SLC38A6: variants seen among roughly 807,000 people sequenced by gnomAD.
SLC38A6 encodes solute carrier family 38 member 6, also known as N system amino acid transporter NAT-1.
Under a neutral mutation model 65.0 loss-of-function variants are expected in SLC38A6, and 73 were observed. That is an observed-to-expected ratio of 1.12 (90% CI 0.93 to 1.37). The LOEUF (loss-of-function observed/expected upper bound fraction) is 1.37, where lower values mean the gene tolerates loss of function less well. SLC38A6 is among the 40% of genes most tolerant of loss of function. The pLI, the probability that SLC38A6 is intolerant of heterozygous loss-of-function variation, is 0.00. For missense variants in SLC38A6, 561 were observed against 531.1 expected, an observed-to-expected ratio of 1.06 and a Z score of -0.55; for synonymous variants, 183 against 178.8, an observed-to-expected ratio of 1.02 and a Z score of -0.19.
At chr14:60,994,391 C>T (rs1344084286) in intron 3 of SLC38A6, among the ~76,000 whole-genome samples, 1 of 151,766 alleles carries the variant, frequency 6.6e-6, no homozygotes, top group East Asian at 2.0e-4. Context: ...ACTAAAAATA[C>T]AAAATTACCT....
intron 5 of SLC38A6, among the ~76,000 whole-genome samples, chr14:61,029,087 A>C (rs2139649093): frequency 6.6e-6 from 1 of 152,032 alleles, no homozygotes; most frequent in South Asian, 2.1e-4. Context: ...TGTAAGGAGA[A>C]AGTGAAATGT....
intron 3 of SLC38A6, chr14:61,004,539 T>A (rs1298494701): frequency 6.6e-6 from 1 of 152,074 alleles, no homozygotes; most frequent in Non-Finnish European, 1.5e-5. Context: ...CAAACTACCA[T>A]CAGAGAATAC....
At chr14:61,024,229 TG>T (rs1331420190) in intron 5 of SLC38A6, among the ~76,000 whole-genome samples, 1 of 152,126 alleles carries the variant, frequency 6.6e-6, no homozygotes, top group Non-Finnish European at 1.5e-5. Flanking sequence ...AATTTTATAA[TG>T]GAAAAAAATG....
intron 16 of SLC38A6, chr14:61,083,445 G>C (rs1367075720): frequency 2.8e-6 from 4 of 1,448,410 alleles, no homozygotes; most frequent in Non-Finnish European, 3.6e-6. Flanking sequence ...CCAATCCCCA[G>C]GACCTCAGAA....
intron 3 of SLC38A6, among the ~76,000 whole-genome samples, chr14:61,008,257 T>G (rs938301742): frequency 6.6e-6 from 1 of 152,004 alleles, no homozygotes; most frequent in African/African-American, 2.4e-5. Context: ...AAAATTTTTG[T>G]TCTTAATTAG....
chr14:61,010,224 C>T (rs545238031), intron 3 of SLC38A6, among the ~76,000 whole-genome samples: 3 of 151,692 alleles, frequency 2.0e-5, no homozygotes, highest in South Asian at 4.2e-4. Context: ...CTTGTTGATG[C>T]GGTTGTTTTT....
intron 3 of SLC38A6, among the ~76,000 whole-genome samples, chr14:61,005,980 A>T (rs2039081421): frequency 6.6e-6 from 1 of 152,160 alleles, no homozygotes; most frequent in East Asian, 1.9e-4. Context: ...CAAAACAGAG[A>T]TATAGATCAA....
chr14:60,981,337 G>T lies in SLC38A6; in HGVS notation c.60G>T (p.Gln20His), dbSNP rs1411867920. The change falls in exon 1 of 16, where the codon CAG becomes CAT. Residue 20 changes from glutamine to histidine, a missense_variant. Gln to His is a conservative substitution (Grantham distance 24). Coordinates refer to ENST00000267488, the MANE Select transcript of SLC38A6 (RefSeq NM_153811.3). ...AERGWYVSVQ[Q>H]PEEAEAEELS... The stretch of plus-strand genomic sequence containing the variant: ...GGGGCTGGTATGTCTCTGTCCAGCA[G>T]CCTGAAGAAGCGGAGGCCGAAGAGT... 5 of 1,610,604 alleles carry T rather than the reference G, an allele frequency of 3.1e-6. No homozygotes were observed. The highest frequency in any genetic ancestry group is 4.2e-6 in the Non-Finnish European group (5 of 1,178,632).
chr14:61,037,556 T>C (rs1566687465), intron 7 of SLC38A6, 69 bp from the exon 8 acceptor site: 6 of 1,091,486 alleles, frequency 5.5e-6, no homozygotes, highest in Admixed American at 2.3e-5. Flanking sequence ...GCCTAAGATG[T>C]ATAGCTTTAG....
intron 2 of SLC38A6, among the ~76,000 whole-genome samples, 186 bp downstream of exon 2, chr14:60,982,824 A>G (rs2037162812): frequency 2.0e-5 from 3 of 152,206 alleles, no homozygotes; most frequent in Admixed American, 2.0e-4. Flanking sequence ...AGCTTCTTAA[A>G]TACACAGAAG....
At chr14:61,042,291 T>C (rs1033167555) in intron 8 of SLC38A6, among the ~76,000 whole-genome samples, 1 of 152,216 alleles carries the variant, frequency 6.6e-6, no homozygotes, top group Non-Finnish European at 1.5e-5. Context: ...CAAGTAGGAA[T>C]AGAAATTGTG....
chr14:61,026,107 G>GTTTTCC (rs2040596625), intron 5 of SLC38A6, among the ~76,000 whole-genome samples: 3 of 152,050 alleles, frequency 2.0e-5, no homozygotes, highest in African/African-American at 4.8e-5. Flanking sequence ...TTCATAAACT[G>GTTTTCC]TAATGATGTC....
intron 5 of SLC38A6, among the ~76,000 whole-genome samples, chr14:61,020,587 T>C (rs1199373323): frequency 6.6e-6 from 1 of 152,120 alleles, no homozygotes; most frequent in Non-Finnish European, 1.5e-5. Flanking sequence ...TTTAATTCTT[T>C]GAATTTTCAT....
chr14:61,001,018 T>G (rs1461773735), intron 3 of SLC38A6, among the ~76,000 whole-genome samples: 1 of 152,228 alleles, frequency 6.6e-6, no homozygotes. Flanking sequence ...ACAGTTAAAC[T>G]AAGTGGGCTG....
At chr14:61,047,894 A>T (rs1040521843) in intron 12 of SLC38A6, among the ~76,000 whole-genome samples, 2 of 152,200 alleles carry the variant, frequency 1.3e-5, no homozygotes. Flanking sequence ...GTAGGTAGGT[A>T]TATGATTGAT....
chr14:61,045,040 T>C (rs1003385803), intron 10 of SLC38A6, among the ~76,000 whole-genome samples: 3 of 152,166 alleles, frequency 2.0e-5, no homozygotes, highest in African/African-American at 7.2e-5. Context: ...ATTTATCTTA[T>C]GTAATTTTTA....
At chr14:61,065,456 C>T (rs765894410) in intron 15 of SLC38A6, among the ~76,000 whole-genome samples, 3 of 152,180 alleles carry the variant, frequency 2.0e-5, no homozygotes, top group Non-Finnish European at 4.4e-5. Context: ...TCATGTGCTC[C>T]TTTTTAAAAC....
At chr14:61,000,652 T>C (rs1356953380) in intron 3 of SLC38A6, among the ~76,000 whole-genome samples, 1 of 152,148 alleles carries the variant, frequency 6.6e-6, no homozygotes, top group Non-Finnish European at 1.5e-5. Context: ...AAAAAAATTC[T>C]TTACATAGCT....
chr14:61,051,995 T>C (rs961429048), intron 14 of SLC38A6, 46 bp from the exon 15 acceptor site: 47 of 1,602,736 alleles, frequency 2.9e-5, no homozygotes, highest in Non-Finnish European at 4.0e-5. Context: ...CAGCCTCACA[T>C]CTGAATCCAG....
Sources: allele counts gnomAD v4.1 joint callset (sites outside exome capture counted in the v4.1 genomes callset), GRCh38; gene constraint gnomAD v4.1.1; transcripts MANE v1.5; gene names NCBI Gene and HGNC (gene_info 2026-07-23, HGNC 2026-07-21).